Variants in IL1RAPL2 observed in about 807,000 individuals in gnomAD.
IL1RAPL2 encodes the protein interleukin 1 receptor accessory protein like 2, also known as X-linked interleukin-1 receptor accessory protein-like 2.
IL1RAPL2 carries 3 observed loss-of-function variants against 44.1 expected under a neutral mutation model. The observed-to-expected ratio is 0.07, with a 90% confidence interval of 0.03 to 0.18. The LOEUF (loss-of-function observed/expected upper bound fraction) is 0.18, where lower values mean the gene tolerates loss of function less well. Among genes scored for constraint, IL1RAPL2 ranks in the 10% least tolerant of loss-of-function variants. The probability of loss-of-function intolerance (pLI) is 1.00; values close to 1 mark genes in which losing one functional copy is unlikely to be tolerated. For synonymous variants in IL1RAPL2, 181 were observed against 178.8 expected (o/e 1.01, Z -0.10); for missense variants, 391 against 496.4 (o/e 0.79, Z 2.02).
In IL1RAPL2 at chrX:104,762,418, G is replaced by T. The variant is rs967315312; in HGVS notation, c.82+103423G>T. Among the ~76,000 whole-genome samples, 3 of 112,101 alleles carry T rather than the reference G, an allele frequency of 2.7e-5. No homozygotes were observed. In the East Asian group the frequency reaches 8.5e-4, roughly 32 times the overall value. On this transcript the variant is annotated intron_variant, in intron 2 of 10. Coordinates refer to ENST00000372582, the MANE Select transcript of IL1RAPL2 (RefSeq NM_017416.2). ...TTGGACAGCTCCTGTGGCTTTGCAGGGTACAGCCCCTCTCCTGGCTGCCTT... is the reference window on the plus strand; with the variant it reads ...TTGGACAGCTCCTGTGGCTTTGCAGTGTACAGCCCCTCTCCTGGCTGCCTT...
intron 4 of IL1RAPL2, among the ~76,000 whole-genome samples, chrX:105,264,936 A>G (rs762881645): frequency 1.3e-4 from 15 of 112,146 alleles, no homozygotes; most frequent in Non-Finnish European, 2.4e-4. Flanking sequence ...AGAACCTTTT[A>G]TAAGGCTAGA....
chrX:105,040,441 G>A (rs1219973405), intron 2 of IL1RAPL2, among the ~76,000 whole-genome samples: 1 of 111,527 alleles, frequency 9.0e-6, no homozygotes, highest in African/African-American at 3.3e-5. Context: ...GATTGGAATA[G>A]TTTCAGAAGG....
At chrX:105,125,565 T>A (rs2032966738) in intron 2 of IL1RAPL2, among the ~76,000 whole-genome samples, 1 of 111,442 alleles carries the variant, frequency 9.0e-6, no homozygotes. Context: ...TAATAAAAAC[T>A]GTTTCAATAG....
At chrX:105,451,652 T>G (rs974344676) in intron 5 of IL1RAPL2, among the ~76,000 whole-genome samples, 15 of 112,093 alleles carry the variant, frequency 1.3e-4, no homozygotes, top group Non-Finnish European at 3.8e-5. Context: ...TACATAAACA[T>G]TCTTGTTTCC....
chrX:105,451,132 A>G (rs1189081986), intron 5 of IL1RAPL2, among the ~76,000 whole-genome samples: 3 of 111,503 alleles, frequency 2.7e-5, no homozygotes, highest in East Asian at 5.6e-4. Context: ...GATATTTTCT[A>G]TGGATATCTT....
intron 2 of IL1RAPL2, among the ~76,000 whole-genome samples, chrX:104,856,694 A>G (rs1291811282): frequency 8.9e-6 from 1 of 112,088 alleles, no homozygotes; most frequent in East Asian, 2.8e-4. Context: ...ACACTCATAC[A>G]CTGATTGATT....
intron 2 of IL1RAPL2, among the ~76,000 whole-genome samples, chrX:105,041,923 C>T (rs12849345): frequency 0.062 from 6,823 of 110,483 alleles, 196 homozygotes; most frequent in East Asian, 0.12. Flanking sequence ...AATAACGCCG[C>T]ATATCTACAA....
At chrX:105,582,120 G>A (rs1329639504) in intron 6 of IL1RAPL2, among the ~76,000 whole-genome samples, 2 of 111,563 alleles carry the variant, frequency 1.8e-5, no homozygotes, top group Admixed American at 9.6e-5. Context: ...TAAAATTCAC[G>A]TATTTAAGTA....
chrX:104,864,363 C>T (rs1323288349), intron 2 of IL1RAPL2, among the ~76,000 whole-genome samples: 1 of 112,210 alleles, frequency 8.9e-6, no homozygotes, highest in Non-Finnish European at 1.9e-5. Flanking sequence ...CACTATGTTT[C>T]TCGAACATAT....
chrX:105,534,847 C>A (rs5962541), intron 6 of IL1RAPL2, among the ~76,000 whole-genome samples: 17,581 of 111,233 alleles, frequency 0.16, 3,396 homozygotes, highest in African/African-American at 0.55. Context: ...AAACCTCATA[C>A]CTTATACAGT....
intron 5 of IL1RAPL2, among the ~76,000 whole-genome samples, chrX:105,419,862 CT>C (rs1210050318): frequency 9.0e-6 from 1 of 111,526 alleles, no homozygotes; most frequent in Non-Finnish European, 1.9e-5. Flanking sequence ...TCTTGTCAGT[CT>C]TTTTTTGTAG....
At chrX:105,453,751 T>G (rs1278764774) in intron 5 of IL1RAPL2, among the ~76,000 whole-genome samples, 1 of 112,228 alleles carries the variant, frequency 8.9e-6, no homozygotes, top group Non-Finnish European at 1.9e-5. Context: ...CTGTTTACCT[T>G]CATGGTGTGT....
intron 6 of IL1RAPL2, among the ~76,000 whole-genome samples, chrX:105,708,826 C>T (rs995077244): frequency 8.9e-6 from 1 of 111,857 alleles, no homozygotes; most frequent in East Asian, 2.8e-4. Context: ...TATAGATTGG[C>T]TACTCTACAA....
At chrX:104,913,102 G>T (rs1377528246) in intron 2 of IL1RAPL2, among the ~76,000 whole-genome samples, 1 of 111,751 alleles carries the variant, frequency 8.9e-6, no homozygotes, top group Admixed American at 9.5e-5. Flanking sequence ...CAGAGACTAT[G>T]CAATCAAAAC....
chrX:105,374,115 C>CAAAAA (rs1177602549), intron 5 of IL1RAPL2, among the ~76,000 whole-genome samples: 2 of 45,291 alleles, frequency 4.4e-5, no homozygotes, highest in Non-Finnish European at 1.1e-4. Context: ...GCAAGACTGT[C>CAAAAA]AAAAAAAAAA....
rs775852078 is a variant in IL1RAPL2, at chrX:105,035,559, A to T, written c.83-159916A>T. Among the ~76,000 whole-genome samples, 3 of 112,185 alleles carry T rather than the reference A, an allele frequency of 2.7e-5. No homozygotes were observed. The South Asian group carries it at 1.1e-3, about 41-fold the overall frequency. ...TCTCTGAGAGGTCCCACAGGGGAAT[A>T]AAAAAAATTAACATGGTTTAATGTA... On this transcript the variant is annotated intron_variant, in intron 2 of 10. Coordinates refer to ENST00000372582, the MANE Select transcript of IL1RAPL2 (RefSeq NM_017416.2).
chrX:105,285,727 G>A (rs2034566279), intron 5 of IL1RAPL2, among the ~76,000 whole-genome samples: 1 of 111,869 alleles, frequency 8.9e-6, no homozygotes, highest in Non-Finnish European at 1.9e-5. Context: ...CCTTGCCTAG[G>A]AGGCTTTTTT....
rs1245997299 is a variant in IL1RAPL2, at chrX:105,220,384, G to C, written c.357-13434G>C. 1.5e-5 allele frequency: 18 copies of C among 1,185,313 alleles called. No individual in the cohort carries two copies. In the Admixed American group the frequency reaches 3.4e-4, roughly 22 times the overall value. On this transcript the variant is annotated intron_variant, in intron 3 of 10. Coordinates refer to ENST00000372582, the MANE Select transcript of IL1RAPL2 (RefSeq NM_017416.2). The stretch of plus-strand genomic sequence containing the variant: ...CCGGAACCCGCTACTGGGGTCCTCA[G>C]GTCTCAAGGCCATGATCGCCTAGGG...
intron 5 of IL1RAPL2, among the ~76,000 whole-genome samples, chrX:105,431,979 T>C (rs1602409427): frequency 9.1e-6 from 1 of 110,203 alleles, no homozygotes; most frequent in East Asian, 2.9e-4. Flanking sequence ...AGGTGGGTTT[T>C]GGACATGTTC....
Sources: allele counts gnomAD v4.1 joint callset (sites outside exome capture counted in the v4.1 genomes callset), GRCh38; gene constraint gnomAD v4.1.1; transcripts MANE v1.5; gene names NCBI Gene and HGNC (gene_info 2026-07-23, HGNC 2026-07-21).